The following SAMD4A variants were observed in gnomAD, a reference collection of about 807,000 sequenced individuals.
The protein encoded by SAMD4A is sterile alpha motif domain containing 4A.
Under a neutral mutation model 81.3 loss-of-function variants are expected in SAMD4A, and 33 were observed. That is an observed-to-expected ratio of 0.41 (90% CI 0.31 to 0.54). SAMD4A has a LOEUF of 0.54. SAMD4A is among the 20% of genes least tolerant of loss of function. The probability of loss-of-function intolerance (pLI) is 0.37; values close to 1 mark genes in which losing one functional copy is unlikely to be tolerated. For synonymous variants in SAMD4A, 389 were observed against 382.1 expected (o/e 1.02, Z -0.21); for missense variants, 854 against 951.1 (o/e 0.90, Z 1.34).
chr14:54,707,013 A>G (rs551233495), intron 3 of SAMD4A, among the ~76,000 whole-genome samples: 1 of 152,208 alleles, frequency 6.6e-6, no homozygotes, highest in African/African-American at 2.4e-5. Context: ...TCATTAGGAT[A>G]GGAGCACGTA....
chr14:54,613,188 G>A (rs2034406656), intron 2 of SAMD4A, among the ~76,000 whole-genome samples: 1 of 151,488 alleles, frequency 6.6e-6, no homozygotes, highest in Admixed American at 6.6e-5. Flanking sequence ...AGGAAGAGAA[G>A]GAAGGAAAGG....
At chr14:54,671,116 T>C (rs2035872193) in intron 2 of SAMD4A, among the ~76,000 whole-genome samples, 1 of 152,098 alleles carries the variant, frequency 6.6e-6, no homozygotes, top group Admixed American at 6.6e-5. Flanking sequence ...AAGATAAGTG[T>C]GGCGAAAGTG....
At position 54,667,759 on chromosome 14, in the gene SAMD4A, C is replaced by T. The variant is rs183779051; in HGVS notation, c.197-34303C>T. On this transcript the variant is annotated intron_variant, in intron 2 of 12. Coordinates refer to ENST00000554335, the MANE Select transcript of SAMD4A (RefSeq NM_015589.6). Reference sequence around the variant, plus strand: ...ATCACAGCTTATCTCACACCCTTTACTTTATTTTCTGGGTCCTGCTTACTG... The same window carrying T: ...ATCACAGCTTATCTCACACCCTTTATTTTATTTTCTGGGTCCTGCTTACTG... Among the ~76,000 whole-genome samples, 95 of 152,310 alleles carry T rather than the reference C, an allele frequency of 6.2e-4. 1 individual carries two copies. Among genetic ancestry groups the T allele is most frequent in the Middle Eastern group, 3.4e-3 (1 of 294 alleles).
Position 54,673,432 on chromosome 14 carries a change from G to A in SAMD4A, c.197-28630G>A, listed in dbSNP as rs140519449. Among the ~76,000 whole-genome samples, 1,164 of 152,332 alleles carry A rather than the reference G, an allele frequency of 7.6e-3. 12 individuals are homozygous for A. The highest frequency in any genetic ancestry group is 0.027 in the African/African-American group (1,104 of 41,574). ...AATACAGGCAATAAAAACATTCTCA[G>A]GATCATGAATAAATAATGGCTACCT... On this transcript the variant is annotated intron_variant, in intron 2 of 12. Transcript: ENST00000554335.
chr14:54,609,177 C>T (rs568803665), intron 2 of SAMD4A, among the ~76,000 whole-genome samples: 9 of 152,206 alleles, frequency 5.9e-5, no homozygotes, highest in East Asian at 5.8e-4. Context: ...GTAGTGGGCT[C>T]AATGTAATCA....
intron 2 of SAMD4A, among the ~76,000 whole-genome samples, chr14:54,619,324 G>A (rs1044302301): frequency 6.6e-6 from 1 of 152,168 alleles, no homozygotes; most frequent in African/African-American, 2.4e-5. Flanking sequence ...GGTAGGAGGA[G>A]TAATCTTGAG....
Position 54,776,497 on chromosome 14 carries a change from C to A in SAMD4A, c.2001C>A (p.Pro667=). 6.3e-7 allele frequency: 1 copy of A among 1,594,754 alleles called. No homozygotes were observed. Among genetic ancestry groups the A allele is most frequent in the Non-Finnish European group, 8.5e-7 (1 of 1,171,434 alleles). Residue 667 remains proline, a synonymous_variant, in exon 11 of 13, where the codon CCC becomes CCA. Transcript: ENST00000554335. ...HSSVQRTRSL[P]VHTSPQNMLM... ...CAGTCCAGAGGACCCGCTCGCTGCCCGTGCACACTTCCCCACAGAACATGC... is the reference window on the plus strand; with the variant it reads ...CAGTCCAGAGGACCCGCTCGCTGCCAGTGCACACTTCCCCACAGAACATGC...
Position 54,784,580 on chromosome 14 carries a change from G to A in SAMD4A, c.2088G>A (p.Leu696=). 6.2e-7 allele frequency: 1 copy of A among 1,614,176 alleles called. No individual in the cohort carries two copies. Among genetic ancestry groups the A allele is most frequent in the Non-Finnish European group, 8.5e-7 (1 of 1,180,010 alleles). Residue 696 remains leucine, a synonymous_variant, in exon 12 of 13, where the codon CTG becomes CTA. Coordinates refer to ENST00000554335, the MANE Select transcript of SAMD4A (RefSeq NM_015589.6). ...PVTEPDINNR[L]ESLCLSMTEH... is the part of the protein sequence containing the mutation. ...CCGAACCTGACATCAACAACAGGCT[G>A]GAGTCGTTGTGCCTCAGTATGACCG...
intron 2 of SAMD4A, among the ~76,000 whole-genome samples, chr14:54,586,344 T>C (rs2033617557): frequency 6.6e-6 from 1 of 152,262 alleles, no homozygotes. Flanking sequence ...GTTGGATGTA[T>C]AGATTGTGAA....
chr14:54,609,567 TA>T (rs1249382040), intron 2 of SAMD4A, among the ~76,000 whole-genome samples: 1 of 152,248 alleles, frequency 6.6e-6, no homozygotes, highest in Non-Finnish European at 1.5e-5. Context: ...AAGAATAATG[TA>T]CTGTTTGGCA....
At chr14:54,606,183 C>CTGTGTGTGTGTG (rs57209362) in intron 2 of SAMD4A, among the ~76,000 whole-genome samples, 1,697 of 146,650 alleles carry the variant, frequency 0.012, 32 homozygotes, top group African/African-American at 0.04. Context: ...TACTTCTGGG[C>CTGTGTGTGTGTG]TGTGTGTGTG....
At chr14:54,603,818 G>A (rs1012824565) in intron 2 of SAMD4A, among the ~76,000 whole-genome samples, 7 of 129,326 alleles carry the variant, frequency 5.4e-5, no homozygotes, top group African/African-American at 1.6e-4. Flanking sequence ...TTGTTTATTT[G>A]TTTATTTGTT....
intron 2 of SAMD4A, among the ~76,000 whole-genome samples, chr14:54,700,390 T>C (rs769905066): frequency 1.4e-4 from 22 of 152,244 alleles, no homozygotes; most frequent in Non-Finnish European, 3.1e-4. Flanking sequence ...TTTCATTATA[T>C]ACCATGCCTC....
chr14:54,600,565 T>G (rs147204741), intron 2 of SAMD4A, among the ~76,000 whole-genome samples: 3 of 152,232 alleles, frequency 2.0e-5, no homozygotes, highest in African/African-American at 7.2e-5. Context: ...CTCAATTTTC[T>G]AGACTAAAAT....
chr14:54,652,847 G>A (rs2035435341), intron 2 of SAMD4A: 1 of 152,164 alleles, frequency 6.6e-6, no homozygotes, highest in African/African-American at 2.4e-5. Context: ...TTTGGTAACT[G>A]TTTTGGTGAA....
chr14:54,770,257 G>T (rs1336686789), intron 9 of SAMD4A, 35 bp downstream of exon 9: 2 of 1,427,900 alleles, frequency 1.4e-6, no homozygotes, highest in African/African-American at 1.4e-5. Context: ...AATGCGTAGT[G>T]GTTCCCCTGG....
chr14:54,751,054 G>C (rs1370670059), intron 5 of SAMD4A, among the ~76,000 whole-genome samples: 1 of 152,178 alleles, frequency 6.6e-6, no homozygotes, highest in Admixed American at 6.5e-5. Flanking sequence ...TTGAGCCCAG[G>C]AGTTTGAGAC....
At chr14:54,690,693 C>T (rs2036410597) in intron 2 of SAMD4A, among the ~76,000 whole-genome samples, 1 of 152,210 alleles carries the variant, frequency 6.6e-6, no homozygotes, top group Admixed American at 6.5e-5. Flanking sequence ...AGGCCATATA[C>T]ATTGATAGGA....
chr14:54,650,472 T>A (rs188543406), intron 2 of SAMD4A, among the ~76,000 whole-genome samples: 1 of 152,342 alleles, frequency 6.6e-6, no homozygotes, highest in Non-Finnish European at 1.5e-5. Flanking sequence ...CCTTGTCATC[T>A]TGTTATAGCA....
Sources: gnomAD v4.1 joint callset for allele counts (sites outside exome capture counted in the v4.1 genomes callset) on GRCh38, gnomAD v4.1.1 for gene constraint, MANE v1.5 for transcripts, NCBI Gene and HGNC (gene_info 2026-07-23, HGNC 2026-07-21) for gene names.